The following MYH6 variants were observed in gnomAD, a reference collection of about 807,000 sequenced individuals.
MYH6 encodes the protein myosin heavy chain 6.
MYH6 carries 126 observed loss-of-function variants against 223.2 expected under a neutral mutation model. That is an observed-to-expected ratio of 0.56 (90% CI 0.49 to 0.65). The LOEUF (loss-of-function observed/expected upper bound fraction) is 0.65, where lower values mean the gene tolerates loss of function less well. Ranked by LOEUF, MYH6 falls within the 30% of genes least tolerant of loss-of-function variation. MYH6 has a pLI of 0.00. For missense variants in MYH6, 2,040 were observed against 2,536.4 expected (o/e 0.80, Z 4.20); for synonymous variants, 978 against 1,010.2 (o/e 0.97, Z 0.61).
At position 23,402,781 on chromosome 14, in the gene MYH6, G is replaced by A. The variant is rs1891647450; in HGVS notation, c.918C>T (p.Asn306=). The change falls in exon 11 of 39, where the codon AAC becomes AAT. Residue 306 remains asparagine (N), a synonymous_variant. Coordinates refer to ENST00000405093, the MANE Select transcript of MYH6 (RefSeq NM_002471.4). Reference sequence around the variant, plus strand: ...ACACGAAGGCGTAGTCGTAGGGATTGTTGGTGACCAGCAGCATGTCTGCAC... The same window carrying A: ...ACACGAAGGCGTAGTCGTAGGGATTATTGGTGACCAGCAGCATGTCTGCAC... The part of the protein sequence containing the change: ...PELLDMLLVT[N]NPYDYAFVSQ... 6.2e-7 allele frequency: 1 copy of A among 1,610,144 alleles called. No homozygotes were observed. The highest frequency in any genetic ancestry group is 1.3e-5 in the African/African-American group (1 of 74,636).
At position 23,388,296 on chromosome 14, in the gene MYH6, C is replaced by T; in HGVS notation, c.4218G>A (p.Val1406=). 2.5e-6 allele frequency: 4 copies of T among 1,613,382 alleles called. No homozygotes were observed. Among genetic ancestry groups the T allele is most frequent in the Non-Finnish European group, 3.4e-6 (4 of 1,180,038 alleles). ...AQRLQDAEEA[V]EAVNAKCSSL... ...AGGAGCACTTGGCATTAACAGCCTC[C>T]ACGGCCTCCTCGGCATCCTGCAGCC... The change falls in exon 30 of 39, where the codon GTG becomes GTA. Residue 1406 remains valine (V), a synonymous_variant. Transcript: ENST00000405093.
chr14:23,383,091 G>C, intron 37 of MYH6, 134 bp downstream of exon 37: 1 of 825,916 alleles, frequency 1.2e-6, no homozygotes, highest in South Asian at 1.4e-5. Context: ...GAGCATACCA[G>C]ATGTGTCAAA....
rs1566503793 is a variant in MYH6 at position 23,383,149 on chromosome 14, C to T, written c.5661+76G>A. 5 of 1,302,902 alleles carry T rather than the reference C, an allele frequency of 3.8e-6. No homozygotes were observed. The Admixed American group carries it at 6.7e-5, about 18-fold the overall frequency. The allele number at this position is 1,302,902 out of a possible 1,614,324, so 80.7% of individuals were successfully genotyped here. A position where few individuals can be genotyped will look rare whatever the true frequency, so the allele number is the denominator to read the frequency against. On this transcript the variant is annotated intron_variant, in intron 37 of 38. Coordinates refer to ENST00000405093, the MANE Select transcript of MYH6 (RefSeq NM_002471.4). ...TATAGCAAACTCTTTGTCCAGGCCC[C>T]TCTGTAGGAGATATTCATTGGTTCT...
intron 15 of MYH6, among the ~76,000 whole-genome samples, chr14:23,398,520 G>A (rs1004618225): frequency 1.3e-5 from 2 of 152,216 alleles, no homozygotes; most frequent in Non-Finnish European, 2.9e-5. Context: ...GGAAACATGA[G>A]ACAGCTATAT....
In MYH6 at chr14:23,383,336, TGGGA is replaced by T; in HGVS notation, c.5566-20_5566-17del. ...CTTCCTCTGTCTGGGGGTGGGAGGG[TGGGA>T]GAAGCTGGTTTGGAGGGGGAGCAAA... On this transcript the variant is annotated splice_polypyrimidine_tract_variant and intron_variant, in intron 36 of 38. Coordinates refer to ENST00000405093, the MANE Select transcript of MYH6 (RefSeq NM_002471.4). 6.2e-5 allele frequency: 3 copies of T among 48,162 alleles called. No individual in the cohort carries two copies. Among genetic ancestry groups the T allele is most frequent in the Non-Finnish European group, 1.2e-4 (3 of 25,436 alleles). The allele number at this position is 48,162 out of a possible 1,614,324, so 3.0% of individuals were successfully genotyped here. A position where few individuals can be genotyped will look rare whatever the true frequency, so the allele number is the denominator to read the frequency against.
chr14:23,396,899 C>T, intron 18 of MYH6, 64 bp downstream of exon 18: 1 of 1,612,558 alleles, frequency 6.2e-7, no homozygotes, highest in South Asian at 1.1e-5. Flanking sequence ...CCTGCAGATC[C>T]CATTCCCATC....
intron 6 of MYH6, 100 bp downstream of exon 6, chr14:23,405,000 T>C: frequency 6.3e-7 from 1 of 1,580,916 alleles, no homozygotes; most frequent in Non-Finnish European, 8.7e-7. Flanking sequence ...CCATGCTCCC[T>C]GCAATCCCAG....
chr14:23,382,347 C>A (rs1483246358), intron 38 of MYH6, 81 bp downstream of exon 38: 12 of 1,585,872 alleles, frequency 7.6e-6, no homozygotes, highest in African/African-American at 1.3e-5. Flanking sequence ...ATAGGGCAAG[C>A]AGTGCCCACT....
chr14:23,384,758 G>GC (rs1398108383), intron 35 of MYH6, 41 bp from the exon 36 acceptor site: 1 of 1,614,142 alleles, frequency 6.2e-7, no homozygotes, highest in Non-Finnish European at 8.5e-7. Flanking sequence ...TGGGCCAGGG[G>GC]CCGGGGCCTT....
chr14:23,389,959 A>G (rs1891179867), intron 26 of MYH6, 98 bp downstream of exon 26: 5 of 1,608,844 alleles, frequency 3.1e-6, no homozygotes, highest in Non-Finnish European at 4.2e-6. Flanking sequence ...TGATGAAGAG[A>G]ATGAGAATGA....
At chr14:23,383,341 G>GGGGGGGGGGGGGCCCCCCCCCCCC in intron 36 of MYH6, 21 bp from the exon 37 acceptor site, 1 of 556,580 alleles carries the variant, frequency 1.8e-6, no homozygotes, top group Admixed American at 2.3e-5. Context: ...GAGGGTGGGA[G>GGGGGGGGGGGGGCCCCCCCCCCCC]AAGCTGGTTT....
At chr14:23,387,372 G>C (rs1477883004) in intron 32 of MYH6, among the ~76,000 whole-genome samples, 157 bp downstream of exon 32, 1 of 152,196 alleles carries the variant, frequency 6.6e-6, no homozygotes, top group Non-Finnish European at 1.5e-5. Flanking sequence ...CTTGGCTTTG[G>C]AGGCAGTCAT....
At position 23,398,713 on chromosome 14, in the gene MYH6, G is replaced by C. The variant is rs1296286774; in HGVS notation, c.1891+15C>G. The C allele has an allele frequency of 2.5e-6, 4 of 1,613,992 alleles. No homozygotes were observed. The South Asian group carries it at 4.4e-5, about 18-fold the overall frequency. On this transcript the variant is annotated intron_variant, in intron 15 of 38. Transcript: ENST00000405093. The stretch of plus-strand genomic sequence containing the variant: ...TCAGAAGTCCCCTGGCCCAGTGCAG[G>C]GGCTGCCTGCTTACCAGTATCGGCA...
rs772374378 is a variant in MYH6, at chr14:23,396,988, T to A, written c.2143A>T (p.Ile715Phe). The change falls in exon 18 of 39, where the codon ATC (isoleucine) becomes TTC (phenylalanine). Residue 715 changes from isoleucine to phenylalanine, a missense_variant. By Grantham distance (21) the Ile-to-Phe change is conservative. Around this residue, in one of 4 missense-constraint regions of MYH6, gnomAD observed 649 missense variants for 877.3 expected, o/e 0.74. Coordinates refer to ENST00000405093, the MANE Select transcript of MYH6 (RefSeq NM_002471.4). ...CTCTGCCGGAAGTCCCCGTAGAGGATGCGGTTGGGGAAGCCCTTCCTGCAG... is the reference window on the plus strand; with the variant it reads ...CTCTGCCGGAAGTCCCCGTAGAGGAAGCGGTTGGGGAAGCCCTTCCTGCAG... ...RICRKGFPNR[I>F]LYGDFRQRYR... 1 of 1,613,370 alleles carries A rather than the reference T, an allele frequency of 6.2e-7. No individual in the cohort carries two copies. Among genetic ancestry groups the A allele is most frequent in the Non-Finnish European group, 8.5e-7 (1 of 1,180,032 alleles).
At chr14:23,404,508 T>C in intron 7 of MYH6, 120 bp from the exon 8 acceptor site, 1 of 1,245,808 alleles carries the variant, frequency 8.0e-7, no homozygotes, top group East Asian at 2.4e-5. Context: ...GAACCGCTAG[T>C]GGGTCTGCGA....
intron 20 of MYH6, 83 bp downstream of exon 20, chr14:23,396,201 C>T: frequency 4.4e-6 from 7 of 1,597,256 alleles, no homozygotes; most frequent in Non-Finnish European, 5.1e-6. Flanking sequence ...GGTCTGAACC[C>T]AGGTCTTCTG....
chr14:23,382,309 G>A, intron 38 of MYH6, 119 bp downstream of exon 38: 2 of 1,472,648 alleles, frequency 1.4e-6, no homozygotes, highest in Admixed American at 1.7e-5. Flanking sequence ...GGTTATGTAA[G>A]CTATGGGACC....
At chr14:23,383,902 T>C (rs1305995482) in intron 36 of MYH6, among the ~76,000 whole-genome samples, 1 of 152,198 alleles carries the variant, frequency 6.6e-6, no homozygotes, top group Non-Finnish European at 1.5e-5. Context: ...ACCTCTTTCT[T>C]GTGCCTCTGG....
Position 23,390,298 on chromosome 14 carries a change from T to C in MYH6, c.3491A>G (p.Glu1164Gly). ...CTCGGCCTCGCGCTTCTTGTTCATC[T>C]CGATCTGCACGGACGTGGCCCCGCC... is the stretch of plus-strand genomic sequence containing the variant. ...EAGGATSVQI[E>G]MNKKREAEFQ... The change falls in exon 26 of 39, where the codon GAG becomes GGG. Residue 1164 changes from glutamate to glycine, a missense_variant. Physicochemically the swap from Glu to Gly is moderately conservative, Grantham distance 98. This residue lies in a region of MYH6 where 1,203 missense variants were observed against 1,400.2 expected (regional missense o/e 0.86). Coordinates refer to ENST00000405093, the MANE Select transcript of MYH6 (RefSeq NM_002471.4). The C allele has an allele frequency of 6.2e-7, 1 of 1,603,826 alleles. No homozygotes were observed. The highest frequency in any genetic ancestry group is 8.5e-7 in the Non-Finnish European group (1 of 1,176,080).
Sources: allele counts gnomAD v4.1 joint callset (sites outside exome capture counted in the v4.1 genomes callset), GRCh38; gene constraint gnomAD v4.1.1; regional missense constraint gnomAD v4.1.1; transcripts MANE v1.5; gene names NCBI Gene and HGNC (gene_info 2026-07-23, HGNC 2026-07-21).